Variants in PLD5 observed in about 807,000 individuals in gnomAD.
The protein encoded by PLD5 is phospholipase D family member 5, also known as inactive phospholipase D5.
Under a neutral mutation model 61.1 loss-of-function variants are expected in PLD5, and 36 were observed. The observed-to-expected ratio is 0.59, with a 90% CI of 0.45 to 0.78. The LOEUF (loss-of-function observed/expected upper bound fraction) is 0.78, where lower values mean the gene tolerates loss of function less well. Among genes scored for constraint, PLD5 ranks in the 30% least tolerant of loss-of-function variants. The pLI, the probability that PLD5 is intolerant of heterozygous loss-of-function variation, is 0.00. For synonymous variants in PLD5, 243 were observed against 242.8 expected (o/e 1.00, Z -0.01); for missense variants, 515 against 644.4 (o/e 0.80, Z 2.17).
At chr1:242,361,673 A>G (rs2796123) in intron 1 of PLD5, among the ~76,000 whole-genome samples, 3,233 of 152,322 alleles carry the variant, frequency 0.021, 51 homozygotes, top group East Asian at 0.033. Context: ...TGGTCAAGAA[A>G]TAAATATTAA....
chr1:242,430,642 C>A (rs1415317160), intron 1 of PLD5, among the ~76,000 whole-genome samples: 3 of 152,158 alleles, frequency 2.0e-5, no homozygotes, highest in Non-Finnish European at 4.4e-5. Flanking sequence ...GGCTATCTGT[C>A]CCTTCCAACA....
At chr1:242,270,054 C>A (rs1454205437) in intron 3 of PLD5, among the ~76,000 whole-genome samples, 1 of 151,632 alleles carries the variant, frequency 6.6e-6, no homozygotes, top group Non-Finnish European at 1.5e-5. Flanking sequence ...AGGAAATAAG[C>A]AAAAACACCA....
At chr1:242,103,996 ATAAAAT>A (rs1174176388) in intron 8 of PLD5, among the ~76,000 whole-genome samples, 1 of 152,238 alleles carries the variant, frequency 6.6e-6, no homozygotes, top group East Asian at 1.9e-4. Flanking sequence ...TTCATGAAAA[ATAAAAT>A]TTAAAATATC....
chr1:242,174,147 C>T (rs1298372501), intron 5 of PLD5, among the ~76,000 whole-genome samples: 2 of 152,134 alleles, frequency 1.3e-5, no homozygotes, highest in African/African-American at 4.8e-5. Flanking sequence ...GCAATCTACT[C>T]ATCTGACAAA....
In PLD5 at chr1:242,524,234, C is replaced by T; in HGVS notation, c.43G>A (p.Glu15Lys). Residue 15 changes from glutamate (E) to lysine (K), a missense_variant, in exon 1 of 10, where the codon GAG becomes AAG. Physicochemically the swap from Glu to Lys is moderately conservative, Grantham distance 56 (BLOSUM62 1). Around this residue, in one of 2 missense-constraint regions of PLD5, gnomAD observed 65 missense variants for 46.3 expected, o/e 1.40. Coordinates refer to ENST00000536534, the MANE Select transcript of PLD5 (RefSeq NM_001372062.1). ...QHEWLSASPHEGFEQMRLKSR... is the reference protein window; with the variant it reads ...QHEWLSASPHKGFEQMRLKSR... ...TTGAGCCTCATCTGCTCGAAGCCCT[C>T]ATGGGGGGAGGCCGAGAGCCACTCG... 6.6e-7 allele frequency: 1 copy of T among 1,517,004 alleles called. No homozygotes were observed. Among genetic ancestry groups the T allele is most frequent in the Non-Finnish European group, 8.8e-7 (1 of 1,137,866 alleles). 94.0% of individuals were successfully genotyped at this position (1,517,004 alleles called of 1,614,324 possible). A position where few individuals can be genotyped will look rare whatever the true frequency, so the allele number is the denominator to read the frequency against.
chr1:242,517,905 T>C (rs1300335771), intron 1 of PLD5, among the ~76,000 whole-genome samples: 1 of 152,182 alleles, frequency 6.6e-6, no homozygotes, highest in Non-Finnish European at 1.5e-5. Context: ...TTTTTTTTTA[T>C]GTCAATGAGT....
chr1:242,323,747 T>A (rs1259976607), intron 2 of PLD5, among the ~76,000 whole-genome samples: 1 of 152,186 alleles, frequency 6.6e-6, no homozygotes, highest in African/African-American at 2.4e-5. Context: ...GCTCCCAGTG[T>A]AATAATAGAA....
At chr1:242,362,123 C>A (rs1161476492) in intron 1 of PLD5, among the ~76,000 whole-genome samples, 3 of 152,172 alleles carry the variant, frequency 2.0e-5, no homozygotes, top group African/African-American at 7.2e-5. Flanking sequence ...TTTACCATGA[C>A]AATTTTTTTA....
At chr1:242,396,048 C>CA (rs137996046) in intron 1 of PLD5, among the ~76,000 whole-genome samples, 3,082 of 147,002 alleles carry the variant, frequency 0.021, 117 homozygotes, top group East Asian at 0.11. Context: ...GACTCCATCT[C>CA]AAAAAAAAAA....
chr1:242,172,833 A>C (rs1178395275), intron 5 of PLD5, among the ~76,000 whole-genome samples: 1 of 152,196 alleles, frequency 6.6e-6, no homozygotes, highest in Non-Finnish European at 1.5e-5. Flanking sequence ...ACCAGGAAGA[A>C]GTCAAATCCC....
At position 242,511,336 on chromosome 1, in the gene PLD5, C is replaced by T. The variant is rs192180780; in HGVS notation, c.189+12752G>A. On this transcript the variant is annotated intron_variant, in intron 1 of 9. Transcript: ENST00000536534. ...ATTACAAAGAATAAATGCAATCACT[C>T]CCTAGCCCAGGAGTTGCTGAATGTG... Among the ~76,000 whole-genome samples, 9 of 152,290 alleles carry T rather than the reference C, an allele frequency of 5.9e-5. 1 individual carries two copies. The highest frequency in any genetic ancestry group is 5.9e-4 in the Admixed American group (9 of 15,304).
chr1:242,207,160 C>T (rs1275920734), intron 5 of PLD5, among the ~76,000 whole-genome samples: 2 of 152,142 alleles, frequency 1.3e-5, no homozygotes, highest in African/African-American at 2.4e-5. Flanking sequence ...GAAAATACCT[C>T]CCCAACAACA....
intron 5 of PLD5, among the ~76,000 whole-genome samples, chr1:242,182,700 G>A (rs1188515015): frequency 3.3e-5 from 5 of 152,148 alleles, no homozygotes; most frequent in South Asian, 2.1e-4. Context: ...AAAATTAGCC[G>A]GGCATGGTGG....
intron 1 of PLD5, among the ~76,000 whole-genome samples, chr1:242,481,836 G>A (rs1195460760): frequency 2.6e-5 from 4 of 152,092 alleles, no homozygotes; most frequent in African/African-American, 7.2e-5. Context: ...CACCTCACAC[G>A]GCCAGGTACT....
chr1:242,194,602 CTATGTATCTATCTATG>C (rs1261367986), intron 5 of PLD5, among the ~76,000 whole-genome samples: 74 of 78,830 alleles, frequency 9.4e-4, no homozygotes, highest in Admixed American at 4.8e-3. Flanking sequence ...ATCTATCTAT[CTATGTATCTATCTATG>C]TATCTATCTA....
intron 2 of PLD5, among the ~76,000 whole-genome samples, chr1:242,294,846 C>G (rs1675560543): frequency 6.6e-6 from 1 of 152,130 alleles, no homozygotes; most frequent in African/African-American, 2.4e-5. Flanking sequence ...AGCACAGTTA[C>G]TAAAATGCTT....
chr1:242,473,110 C>T (rs1007120587), intron 1 of PLD5, among the ~76,000 whole-genome samples: 14 of 152,166 alleles, frequency 9.2e-5, no homozygotes, highest in African/African-American at 3.1e-4. Context: ...TTCAGCAGTA[C>T]AATGATGCTT....
chr1:242,121,468 T>A (rs1662352000), intron 6 of PLD5, among the ~76,000 whole-genome samples: 1 of 152,112 alleles, frequency 6.6e-6, no homozygotes, highest in South Asian at 2.1e-4. Context: ...ATCTGTTGAA[T>A]TGAAATTCAA....
At chr1:242,217,406 A>T (rs10926650) in intron 5 of PLD5, among the ~76,000 whole-genome samples, 91,142 of 152,050 alleles carry the variant, frequency 0.6, 29,685 homozygotes, top group South Asian at 0.81. Flanking sequence ...GTGAATCACC[A>T]AAAGTCAGGA....
Sources: allele counts gnomAD v4.1 joint callset (sites outside exome capture counted in the v4.1 genomes callset), GRCh38; gene constraint gnomAD v4.1.1; regional missense constraint gnomAD v4.1.1; transcripts MANE v1.5; gene names NCBI Gene and HGNC (gene_info 2026-07-23, HGNC 2026-07-21).